Variants in ATAD2 observed in about 807,000 individuals in gnomAD.
ATAD2 encodes ATPase family AAA domain-containing protein 2.
Under a neutral mutation model 168.9 loss-of-function variants are expected in ATAD2, and 62 were observed. The observed-to-expected ratio is 0.37, with a 90% CI of 0.30 to 0.45. ATAD2 has a LOEUF of 0.45. ATAD2 is among the 20% of genes least tolerant of loss of function. ATAD2 has a pLI of 1.00. For synonymous variants in ATAD2, 613 were observed against 571.6 expected, an observed-to-expected ratio of 1.07 and a Z score of -1.03; for missense variants, 1,419 against 1,667.8, an observed-to-expected ratio of 0.85 and a Z score of 2.60.
Position 123,357,676 on chromosome 8 carries a change from G to A in ATAD2, c.1443C>T (p.Ala481=). 3.7e-6 allele frequency: 6 copies of A among 1,613,614 alleles called. No individual in the cohort carries two copies. Among genetic ancestry groups the A allele is most frequent in the Non-Finnish European group, 5.1e-6 (6 of 1,179,858 alleles). ...TGKTLVARAL[A]NECSQGDKRV... ...TTTTATCCCCTTGACTGCACTCATTGGCAAGTGCTCTGGCAACCAGAGTCT... is the reference window on the plus strand; with the variant it reads ...TTTTATCCCCTTGACTGCACTCATTAGCAAGTGCTCTGGCAACCAGAGTCT... Residue 481 remains alanine, a synonymous_variant, in exon 12 of 28, where the codon GCC becomes GCT. Transcript: ENST00000287394.
At chr8:123,369,702 G>A in intron 7 of ATAD2, 119 bp downstream of exon 7, 1 of 821,616 alleles carries the variant, frequency 1.2e-6, no homozygotes, top group Non-Finnish European at 1.9e-6. Context: ...CAACAGTAAT[G>A]AGTATTCAAC....
chr8:123,354,259 A>G (rs550338626), intron 13 of ATAD2, among the ~76,000 whole-genome samples: 86 of 152,352 alleles, frequency 5.6e-4, no homozygotes, highest in Non-Finnish European at 8.5e-4. Context: ...CTACAGTATT[A>G]TTACTAAAAT....
chr8:123,339,892 GT>G (rs1220944875), intron 19 of ATAD2, among the ~76,000 whole-genome samples: 16 of 151,074 alleles, frequency 1.1e-4, no homozygotes, highest in Non-Finnish European at 1.5e-5. Context: ...TACTTTTTTT[GT>G]TTTCTTTTTT....
Position 123,359,603 on chromosome 8 carries a change from C to T in ATAD2, c.1240G>A (p.Val414Ile). Residue 414 changes from valine to isoleucine, a missense_variant, in exon 10 of 28, where the codon GTT becomes ATT. Physicochemically the swap from Val to Ile is conservative, Grantham distance 29 (BLOSUM62 3). Around this residue, in one of 5 missense-constraint regions of ATAD2, gnomAD observed 146 missense variants for 188.3 expected, o/e 0.78. Coordinates refer to ENST00000287394, the MANE Select transcript of ATAD2 (RefSeq NM_014109.4). ...RMKIGASLAD[V>I]DPMQLDSSVR... ...GAAGAATCTAGTTGCATTGGATCAA[C>T]ATCGGCAAGGCTTGCTCCAATTTTC... 1 of 1,613,012 alleles carries T rather than the reference C, an allele frequency of 6.2e-7. No homozygotes were observed. Among genetic ancestry groups the T allele is most frequent in the Non-Finnish European group, 8.5e-7 (1 of 1,179,438 alleles).
intron 1 of ATAD2, among the ~76,000 whole-genome samples, chr8:123,382,917 T>A (rs1257759166): frequency 6.6e-6 from 1 of 152,168 alleles, no homozygotes; most frequent in Admixed American, 6.6e-5. Flanking sequence ...GCAGCACTAT[T>A]TGCAATAACA....
chr8:123,386,882 C>A, intron 1 of ATAD2, among the ~76,000 whole-genome samples: 1 of 149,034 alleles, frequency 6.7e-6, no homozygotes. Context: ...CAAATAAGTA[C>A]TAGGCAGCAA....
At chr8:123,400,964 T>C (rs1812988198), upstream of ATAD2, 6 of 1,423,026 alleles carry the variant, frequency 4.2e-6, no homozygotes, top group East Asian at 2.3e-5. The surrounding 1 kb of genome is among the most constrained non-coding windows in gnomAD (Gnocchi z 4.5). Context: ...GTGGGTGATG[T>C]GCTGGAGGCC....
intron 8 of ATAD2, among the ~76,000 whole-genome samples, chr8:123,362,856 A>G (rs566676860): frequency 6.6e-6 from 1 of 152,334 alleles, no homozygotes; most frequent in Non-Finnish European, 1.5e-5. Flanking sequence ...GTAAATTCAC[A>G]ACTGTCACTT....
At chr8:123,367,372 G>A (rs1244630766) in intron 8 of ATAD2, among the ~76,000 whole-genome samples, 2 of 152,148 alleles carry the variant, frequency 1.3e-5, no homozygotes, top group Admixed American at 6.5e-5. Context: ...AGCCGAGATC[G>A]CGCCACTGCA....
chr8:123,345,022 A>G lies in ATAD2; in HGVS notation c.2580T>C (p.Pro860=), dbSNP rs1363620259. ...KRTAPSIVYV[P]HIHVWWEIVG... is the part of the protein sequence containing the mutation. ...CTATTTCCCACCACACGTGGATATG[A>G]GGAACATACACTATACTTGGTGCTG... Residue 860 remains proline, a synonymous_variant, in exon 19 of 28, where the codon CCT becomes CCC. Transcript: ENST00000287394. 1 of 1,614,096 alleles carries G rather than the reference A, an allele frequency of 6.2e-7. No homozygotes were observed. Among genetic ancestry groups the G allele is most frequent in the South Asian group, 1.1e-5 (1 of 91,082 alleles).
In ATAD2 at chr8:123,348,214, T is replaced by A. The variant is rs374503725; in HGVS notation, c.1866A>T (p.Thr622=). 10 of 1,601,540 alleles carry A rather than the reference T, an allele frequency of 6.2e-6. No homozygotes were observed. The highest frequency in any genetic ancestry group is 6.8e-6 in the Non-Finnish European group (8 of 1,176,662). ...TRDWNPKPLD[T]FLEELAENCV... Reference sequence around the variant, plus strand: ...AGTTTTCTGCTAGCTCTTCTAAAAATGTGTCCAGTGGTTTGGGATTCCAAT... The same window carrying A: ...AGTTTTCTGCTAGCTCTTCTAAAAAAGTGTCCAGTGGTTTGGGATTCCAAT... Residue 622 remains threonine (T), a synonymous_variant, in exon 15 of 28, where the codon ACA becomes ACT. Transcript: ENST00000287394.
At chr8:123,332,783 G>A (rs1827807798) in intron 24 of ATAD2, among the ~76,000 whole-genome samples, 1 of 151,976 alleles carries the variant, frequency 6.6e-6, no homozygotes, top group South Asian at 2.1e-4. Flanking sequence ...TCTTTTGGTG[G>A]ACACAAAATA....
intron 3 of ATAD2, 149 bp from the exon 4 acceptor site, chr8:123,371,984 CAA>C: frequency 1.2e-6 from 1 of 848,460 alleles, no homozygotes; most frequent in Non-Finnish European, 1.7e-6. Context: ...CATCAGAAAA[CAA>C]AAATAAAGTT....
intron 24 of ATAD2, among the ~76,000 whole-genome samples, chr8:123,330,001 T>C (rs1827733221): frequency 1.7e-5 from 1 of 58,692 alleles, no homozygotes; most frequent in African/African-American, 4.9e-5. Flanking sequence ...TTTTTTTTTT[T>C]TTTTGAGACA....
chr8:123,349,454 A>G lies in ATAD2; in HGVS notation c.1647-10T>C. 6.2e-7 allele frequency: 1 copy of G among 1,609,732 alleles called. No individual in the cohort carries two copies. Among genetic ancestry groups the G allele is most frequent in the Non-Finnish European group, 8.5e-7 (1 of 1,176,470 alleles). ...GGTGGAAACAATAGAACTAAATTTT[A>G]AAAATAAGAGAGAAGAGATTAATAC... On this transcript the variant is annotated splice_polypyrimidine_tract_variant and intron_variant, in intron 13 of 27. Transcript: ENST00000287394.
At chr8:123,406,151 C>T (rs1477072546) in intron 1 of ATAD2, among the ~76,000 whole-genome samples, 6 of 151,980 alleles carry the variant, frequency 3.9e-5, no homozygotes, top group South Asian at 2.1e-4. Flanking sequence ...CCGAGGCAGG[C>T]GGATCACTTG....
chr8:123,408,830 C>CT (rs763955875), intron 1 of ATAD2, among the ~76,000 whole-genome samples: 27,581 of 140,854 alleles, frequency 0.2, 3,042 homozygotes, highest in Non-Finnish European at 0.27. Flanking sequence ...AAGATATATT[C>CT]TTTTTTTTTT....
In ATAD2 at chr8:123,347,875, C is replaced by G. The variant is rs145309039; in HGVS notation, c.1897+308G>C. The stretch of plus-strand genomic sequence containing the variant: ...ATGGTCAGTAAAGAATAGCTATTAT[C>G]TTATTATGATATAATAATATATTGT... On this transcript the variant is annotated intron_variant, in intron 15 of 27. Coordinates refer to ENST00000287394, the MANE Select transcript of ATAD2 (RefSeq NM_014109.4). Among the ~76,000 whole-genome samples, 549 of 152,104 alleles carry G rather than the reference C, an allele frequency of 3.6e-3. 1 individual carries two copies. The highest frequency in any genetic ancestry group is 0.02 in the Middle Eastern group (6 of 294).
chr8:123,356,336 A>G, intron 13 of ATAD2, 53 bp downstream of exon 13: 1 of 1,448,474 alleles, frequency 6.9e-7, no homozygotes, highest in Non-Finnish European at 9.7e-7. Flanking sequence ...TCACACATCA[A>G]TACCACTCAG....
Sources: allele counts gnomAD v4.1 joint callset (sites outside exome capture counted in the v4.1 genomes callset), GRCh38; gene constraint gnomAD v4.1.1; regional missense constraint gnomAD v4.1.1; non-coding constraint Gnocchi (gnomAD v3.1); transcripts MANE v1.5; gene names NCBI Gene and HGNC (gene_info 2026-07-23, HGNC 2026-07-21).